ZNF780A: variants seen among roughly 807,000 people sequenced by gnomAD.
ZNF780A encodes zinc finger protein 780A.
Under a neutral mutation model 56.7 loss-of-function variants are expected in ZNF780A, and 40 were observed. The ratio of observed to expected loss-of-function variants is 0.71; its 90% CI spans 0.55 to 0.92. The LOEUF (loss-of-function observed/expected upper bound fraction) is 0.92, where lower values mean the gene tolerates loss of function less well. Among genes scored for constraint, ZNF780A ranks in the 40% least tolerant of loss-of-function variants. ZNF780A has a pLI of 0.00. For missense variants in ZNF780A, 672 were observed against 783.3 expected, an observed-to-expected ratio of 0.86 and a Z score of 1.70; for synonymous variants, 231 against 248.3, an observed-to-expected ratio of 0.93 and a Z score of 0.66.
At chr19:40,085,982 A>T (rs569044945) in intron 2 of ZNF780A, among the ~76,000 whole-genome samples, 1 of 148,102 alleles carries the variant, frequency 6.8e-6, no homozygotes, top group South Asian at 2.1e-4. Context: ...GTGTATATAT[A>T]TATTTATATA....
chr19:40,070,654 G>C (rs1054826482), downstream of ZNF780A: 1 of 152,158 alleles, frequency 6.6e-6, no homozygotes, highest in African/African-American at 2.4e-5. Context: ...TGCCTTCTCT[G>C]CTTTTAAAAG....
In ZNF780A at chr19:40,084,728, G is replaced by A; in HGVS notation, c.9+17C>T. 6.4e-7 allele frequency: 1 copy of A among 1,550,638 alleles called. No individual in the cohort carries two copies. The highest frequency in any genetic ancestry group is 1.7e-4 in the Middle Eastern group (1 of 5,994). ...AAGTCACCATATTTCAAGGAAAAGA[G>A]AGAAATACAAACTTACATGGACCAT... On this transcript the variant is annotated intron_variant, in intron 3 of 5. Coordinates refer to ENST00000683561, the MANE Select transcript of ZNF780A (RefSeq NM_001142578.2).
chr19:40,083,557 G>A (rs193191226), intron 3 of ZNF780A, among the ~76,000 whole-genome samples: 265 of 151,920 alleles, frequency 1.7e-3, no homozygotes, highest in African/African-American at 6.2e-3. Context: ...CCAGCTACTC[G>A]GGAGGCTGAG....
intron 4 of ZNF780A, 45 bp from the exon 5 acceptor site, chr19:40,081,959 T>G: frequency 6.9e-7 from 1 of 1,444,908 alleles, no homozygotes; most frequent in Non-Finnish European, 9.5e-7. Context: ...TAATACAGAT[T>G]TTTTTTTTTC....
At chr19:40,078,917 G>C (rs1201177041) in intron 5 of ZNF780A, among the ~76,000 whole-genome samples, 2 of 152,046 alleles carry the variant, frequency 1.3e-5, no homozygotes, top group Non-Finnish European at 2.9e-5. Flanking sequence ...AAAAATAAAA[G>C]AGAAAGAAAG....
chr19:40,082,016 C>A, intron 4 of ZNF780A, 102 bp from the exon 5 acceptor site: 1 of 771,642 alleles, frequency 1.3e-6, no homozygotes. Flanking sequence ...CAAGTCAAAA[C>A]AATATTGAAA....
At chr19:40,076,341 A>T in intron 5 of ZNF780A, 132 bp from the exon 6 acceptor site, 1 of 876,688 alleles carries the variant, frequency 1.1e-6, no homozygotes, top group Non-Finnish European at 1.6e-6. Context: ...AAAACCAACA[A>T]AGTTGGTAGA....
chr19:40,078,336 G>A (rs145033050), intron 5 of ZNF780A, among the ~76,000 whole-genome samples: 9 of 152,180 alleles, frequency 5.9e-5, no homozygotes, highest in Non-Finnish European at 1.0e-4. Context: ...TGAGGTCCCA[G>A]AGATGAAGAG....
chr19:40,073,019 C>T, downstream of ZNF780A: 2 of 1,518,200 alleles, frequency 1.3e-6, no homozygotes, highest in African/African-American at 1.4e-5. Flanking sequence ...GAATACTTTC[C>T]TTAACGGTAA....
At position 40,076,961 on chromosome 19, in the gene ZNF780A, G is replaced by C. The variant is rs542015042; in HGVS notation, c.233-752C>G. On this transcript the variant is annotated intron_variant, in intron 5 of 5. Coordinates refer to ENST00000683561, the MANE Select transcript of ZNF780A (RefSeq NM_001142578.2). ...GCACTTACTGCTTGGGAGCCAGAAG[G>C]TTGTCCTGTTCACTACTACTACCAT... Among the ~76,000 whole-genome samples, 159 of 152,196 alleles carry C rather than the reference G, an allele frequency of 1.0e-3. 1 individual carries two copies. The highest frequency in any genetic ancestry group is 3.8e-3 in the African/African-American group (156 of 41,538).
chr19:40,073,732 G>T lies in ZNF780A; in HGVS notation c.*784C>A. ...AGAAGTTGAGCAAATCCCAGGCCATGATGAAAGTTCTTCACACATTCTTTT... is the reference window on the plus strand; with the variant it reads ...AGAAGTTGAGCAAATCCCAGGCCATTATGAAAGTTCTTCACACATTCTTTT... On this transcript the variant is annotated 3_prime_UTR_variant, in exon 6 of 6. Transcript: ENST00000683561. 1 of 985,876 alleles carries T rather than the reference G, an allele frequency of 1.0e-6. No homozygotes were observed. The highest frequency in any genetic ancestry group is 4.7e-5 in the South Asian group (1 of 21,314). The allele number at this position is 985,876 out of a possible 1,614,324, so 61.1% of individuals were successfully genotyped here.
chr19:40,076,865 C>G (rs1974167817), intron 5 of ZNF780A, among the ~76,000 whole-genome samples: 1 of 152,122 alleles, frequency 6.6e-6, no homozygotes, highest in Non-Finnish European at 1.5e-5. Flanking sequence ...CAACTGGTAC[C>G]CACCTGTACT....
At position 40,076,901 on chromosome 19, in the gene ZNF780A, C is replaced by T. The variant is rs548983143; in HGVS notation, c.233-692G>A. Among the ~76,000 whole-genome samples the T allele has an allele frequency of 8.5e-5, 13 of 152,270 alleles. No individual in the cohort carries two copies. The Middle Eastern group carries it at 0.014, about 159-fold the overall frequency. On this transcript the variant is annotated intron_variant, in intron 5 of 5. Transcript: ENST00000683561. ...CACAACCGGAAGTTCTGGGGACTGG[C>T]CCACCCAGCCCATCATAGTCACCTC...
In ZNF780A at chr19:40,075,316, G is replaced by C. The variant is rs374805532; in HGVS notation, c.1126C>G (p.Leu376Val). ...CGKAFSLLNQ[L>V]NRHKNIHTGE... ...GTGTGAATGTTCTTATGGCGATTAAGCTGGTTGAGAAGACTAAAGGCCTTC... is the reference window on the plus strand; with the variant it reads ...GTGTGAATGTTCTTATGGCGATTAACCTGGTTGAGAAGACTAAAGGCCTTC... Residue 376 changes from leucine to valine, a missense_variant, in exon 6 of 6, where the codon CTT (leucine) becomes GTT (valine). Leu to Val is a conservative substitution (Grantham distance 32). Transcript: ENST00000683561. The C allele has an allele frequency of 1.2e-6, 2 of 1,613,774 alleles. No individual in the cohort carries two copies. The highest frequency in any genetic ancestry group is 1.7e-6 in the Non-Finnish European group (2 of 1,179,954).
intron 2 of ZNF780A, among the ~76,000 whole-genome samples, chr19:40,086,559 A>C (rs1235492150): frequency 6.6e-6 from 1 of 151,082 alleles, no homozygotes; most frequent in South Asian, 2.1e-4. Context: ...ATACACCACC[A>C]TGCTTGGTTC....
intron 2 of ZNF780A, chr19:40,085,246 G>A (rs1173240394): frequency 1.4e-5 from 14 of 985,358 alleles, no homozygotes; most frequent in African/African-American, 5.2e-5. Context: ...AGTGGGGGAA[G>A]GCATGAGAAC....
chr19:40,072,703 T>G, downstream of ZNF780A: 1 of 1,112,448 alleles, frequency 9.0e-7, no homozygotes, highest in Non-Finnish European at 1.1e-6. Context: ...ATGTTCTAGG[T>G]CAGTGGCTCT....
Position 40,073,091 on chromosome 19 carries a change from T to C in ZNF780A, c.*1425A>G, listed in dbSNP as rs1362274926. 1.9e-5 allele frequency: 26 copies of C among 1,334,494 alleles called. No homozygotes were observed. The highest frequency in any genetic ancestry group is 2.3e-5 in the Non-Finnish European group (24 of 1,036,188). The allele number at this position is 1,334,494 out of a possible 1,614,324, so 82.7% of individuals were successfully genotyped here. A position where few individuals can be genotyped will look rare whatever the true frequency, so the allele number is the denominator to read the frequency against. ...TCTTCATGTTTGGTTGATACACACGTTGATTAAATAAAGGGTAAAGTGTCA... is the reference window on the plus strand; with the variant it reads ...TCTTCATGTTTGGTTGATACACACGCTGATTAAATAAAGGGTAAAGTGTCA... On this transcript the variant is annotated 3_prime_UTR_variant, in exon 6 of 6. Coordinates refer to ENST00000683561, the MANE Select transcript of ZNF780A (RefSeq NM_001142578.2).
Position 40,073,909 on chromosome 19 carries a change from G to T in ZNF780A, c.*607C>A, listed in dbSNP as rs963183793. 9.9e-7 allele frequency: 1 copy of T among 1,006,850 alleles called. No homozygotes were observed. Among genetic ancestry groups the T allele is most frequent in the Middle Eastern group, 3.9e-4 (1 of 2,564 alleles). 62.4% of individuals were successfully genotyped at this position (1,006,850 alleles called of 1,614,324 possible). ...AGACAGCTGATCATCCACAGCAAAT[G>T]CTTTCCCATATTCCTTACATTATAG... On this transcript the variant is annotated 3_prime_UTR_variant, in exon 6 of 6. Coordinates refer to ENST00000683561, the MANE Select transcript of ZNF780A (RefSeq NM_001142578.2).
Sources: gnomAD v4.1 joint callset for allele counts (sites outside exome capture counted in the v4.1 genomes callset) on GRCh38, gnomAD v4.1.1 for gene constraint, MANE v1.5 for transcripts, NCBI Gene and HGNC (gene_info 2026-07-23, HGNC 2026-07-21) for gene names.